The following HEATR5B variants were observed in gnomAD, a reference collection of about 807,000 sequenced individuals.
The protein encoded by HEATR5B is HEAT repeat containing 5B.
HEATR5B carries 156 observed loss-of-function variants against 224.1 expected under a neutral mutation model. The observed-to-expected ratio is 0.70, with a 90% CI of 0.61 to 0.80. The LOEUF (loss-of-function observed/expected upper bound fraction) is 0.80. Among genes scored for constraint, HEATR5B ranks in the 30% least tolerant of loss-of-function variants. The probability of loss-of-function intolerance (pLI) is 0.00; values close to 1 mark genes in which losing one functional copy is unlikely to be tolerated. For synonymous variants in HEATR5B, 1,027 were observed against 893.0 expected, an observed-to-expected ratio of 1.15 and a Z score of -2.68; for missense variants, 2,323 against 2,535.5, an observed-to-expected ratio of 0.92 and a Z score of 1.80.
chr2:37,038,912 G>GA (rs1288080888), intron 20 of HEATR5B, among the ~76,000 whole-genome samples: 2 of 131,680 alleles, frequency 1.5e-5, no homozygotes, highest in African/African-American at 5.5e-5. Context: ...TGGGGTGGGG[G>GA]GGGTGGGGAA....
At chr2:37,053,038 C>T (rs1670659203) in intron 17 of HEATR5B, among the ~76,000 whole-genome samples, 1 of 151,986 alleles carries the variant, frequency 6.6e-6, no homozygotes. Context: ...AACTACAACT[C>T]GAAAAAGGTT....
Position 37,064,891 on chromosome 2 carries a change from A to G in HEATR5B, c.1433T>C (p.Phe478Ser). 6.2e-7 allele frequency: 1 copy of G among 1,614,146 alleles called. No homozygotes were observed. The highest frequency in any genetic ancestry group is 8.5e-7 in the Non-Finnish European group (1 of 1,180,014). Residue 478 changes from phenylalanine to serine, a missense_variant, in exon 10 of 36, where the codon TTC becomes TCC. Phe to Ser is a radical substitution (Grantham distance 155, BLOSUM62 -2). Transcript: ENST00000233099. ...CCTGTCTAGAAATGGTGTCAGCTGG[A>G]AAGGTAATGCCACAGCCACACAGCG... ...CLRCVAVALP[F>S]QLTPFLDRCA...
chr2:36,992,198 AAAAC>A (rs1280525006), intron 33 of HEATR5B, among the ~76,000 whole-genome samples: 3 of 151,340 alleles, frequency 2.0e-5, no homozygotes, highest in East Asian at 2.0e-4. Flanking sequence ...ACTCAGTCTC[AAAAC>A]AAACAAACAA....
At chr2:37,040,551 A>C (rs1033857717) in intron 19 of HEATR5B, 33 bp from the exon 20 acceptor site, 10 of 1,518,236 alleles carry the variant, frequency 6.6e-6, no homozygotes, top group Non-Finnish European at 8.1e-6. Flanking sequence ...TTTAGTTGTA[A>C]GGAAGAATTC....
chr2:37,062,736 T>C (rs1253005422), intron 10 of HEATR5B, among the ~76,000 whole-genome samples: 2 of 152,150 alleles, frequency 1.3e-5, no homozygotes, highest in Admixed American at 6.5e-5. Flanking sequence ...CAAATCCACT[T>C]CTCATTTTTC....
chr2:37,066,643 A>T (rs1229494416), intron 8 of HEATR5B, among the ~76,000 whole-genome samples: 1 of 152,182 alleles, frequency 6.6e-6, no homozygotes, highest in East Asian at 1.9e-4. Flanking sequence ...TCGCTTGCCA[A>T]ACTACTAATT....
chr2:36,996,246 G>C, intron 33 of HEATR5B, among the ~76,000 whole-genome samples: 1 of 150,204 alleles, frequency 6.7e-6, no homozygotes. Context: ...GTTTTTAGTA[G>C]AGAGGGATTT....
chr2:36,999,673 T>C (rs1182731269), intron 33 of HEATR5B, among the ~76,000 whole-genome samples: 5 of 151,340 alleles, frequency 3.3e-5, no homozygotes, highest in Admixed American at 2.0e-4. Context: ...AGTGAGACCC[T>C]GTCTCAAAAA....
rs1283541132 is a variant in HEATR5B, at chr2:37,060,637, C to A, written c.1793G>T (p.Arg598Leu). The change falls in exon 12 of 36, where the codon CGA becomes CTA. Residue 598 changes from arginine (R) to leucine (L), a missense_variant. This residue lies in a region of HEATR5B where 502 missense variants were observed against 517.8 expected (regional missense o/e 0.97). Coordinates refer to ENST00000233099, the MANE Select transcript of HEATR5B (RefSeq NM_019024.3). Reference protein sequence around the residue: ...SLKELEAEKARGDSFTWQVTL... With the variant: ...SLKELEAEKALGDSFTWQVTL... ...TACCTGCCAGGTAAAAGAATCGCCT[C>A]GGGCCTTCTCAGCTTCCAATTCCTT... 3.7e-6 allele frequency: 6 copies of A among 1,613,884 alleles called. No individual in the cohort carries two copies. The highest frequency in any genetic ancestry group is 3.3e-5 in the Admixed American group (2 of 59,982).
intron 8 of HEATR5B, among the ~76,000 whole-genome samples, chr2:37,067,509 C>G (rs1671656993): frequency 6.6e-6 from 1 of 152,188 alleles, no homozygotes; most frequent in African/African-American, 2.4e-5. Flanking sequence ...TGGCTCATAC[C>G]TGTAATCCCA....
At chr2:37,042,120 ACT>A (rs1669910289) in intron 18 of HEATR5B, among the ~76,000 whole-genome samples, 3 of 152,120 alleles carry the variant, frequency 2.0e-5, no homozygotes, top group Non-Finnish European at 4.4e-5. Flanking sequence ...CTTTATTGAG[ACT>A]CACATACAAT....
At chr2:37,033,130 C>T (rs575429333) in intron 21 of HEATR5B, among the ~76,000 whole-genome samples, 1 of 152,226 alleles carries the variant, frequency 6.6e-6, no homozygotes, top group Admixed American at 6.5e-5. Flanking sequence ...CCGCCCACCT[C>T]AGCCTCCCAA....
intron 33 of HEATR5B, 68 bp from the exon 34 acceptor site, chr2:36,990,867 G>C (rs1395709002): frequency 1.5e-6 from 2 of 1,327,342 alleles, no homozygotes; most frequent in African/African-American, 1.5e-5. Flanking sequence ...TTTTATTTTT[G>C]TAGAGAGAGA....
intron 26 of HEATR5B, among the ~76,000 whole-genome samples, chr2:37,016,646 T>C (rs966125138): frequency 1.3e-5 from 2 of 152,166 alleles, no homozygotes; most frequent in Admixed American, 1.3e-4. Flanking sequence ...CAGAGCCAAA[T>C]TAGTACAAGT....
Position 37,028,100 on chromosome 2 carries a change from TATC to T in HEATR5B, c.3673_3675del (p.Asp1225del). 1 of 1,613,332 alleles carries T rather than the reference TATC, an allele frequency of 6.2e-7. No homozygotes were observed. Among genetic ancestry groups the T allele is most frequent in the Non-Finnish European group, 8.5e-7 (1 of 1,179,256 alleles). ...TCTTCACCTAACGTGGTAAACATGG[TATC>T]ATCATCCATCTCATCTTTCTTTTCA... On this transcript the variant is annotated inframe_deletion, in exon 24 of 36. Transcript: ENST00000233099.
chr2:37,056,359 G>A (rs1057013781), intron 16 of HEATR5B, 81 bp downstream of exon 16: 40 of 956,460 alleles, frequency 4.2e-5, no homozygotes, highest in Non-Finnish European at 5.9e-5. Context: ...TTATTGCAGA[G>A]TTAACTGGGA....
At chr2:37,020,596 T>C in intron 25 of HEATR5B, 59 bp downstream of exon 25, 1 of 1,321,032 alleles carries the variant, frequency 7.6e-7, no homozygotes, top group African/African-American at 1.5e-5. Flanking sequence ...AAGTCTGCAC[T>C]TCTTCAGCAA....
At chr2:37,057,671 T>C (rs1670997482) in intron 14 of HEATR5B, among the ~76,000 whole-genome samples, 191 bp from the exon 15 acceptor site, 2 of 152,212 alleles carry the variant, frequency 1.3e-5, no homozygotes. Flanking sequence ...ATATATTGTA[T>C]TGTGTCTTTT....
intron 20 of HEATR5B, among the ~76,000 whole-genome samples, chr2:37,039,094 G>C (rs1041161744): frequency 6.6e-6 from 1 of 151,458 alleles, no homozygotes. Flanking sequence ...GCTGAGATGG[G>C]AGTGGGAGGA....
Sources: allele counts gnomAD v4.1 joint callset (sites outside exome capture counted in the v4.1 genomes callset), GRCh38; gene constraint gnomAD v4.1.1; regional missense constraint gnomAD v4.1.1; transcripts MANE v1.5; gene names NCBI Gene and HGNC (gene_info 2026-07-23, HGNC 2026-07-21).